DGUOK: variants seen among roughly 807,000 people sequenced by gnomAD.
The protein encoded by DGUOK is deoxyguanosine kinase, mitochondrial.
Under a neutral mutation model 36.6 loss-of-function variants are expected in DGUOK, and 30 were observed. The ratio of observed to expected loss-of-function variants is 0.82; its 90% CI spans 0.61 to 1.11. The LOEUF is 1.11. Ranked by LOEUF, DGUOK falls within the 50% of genes most tolerant of loss-of-function variation. The pLI is 0.00. For synonymous variants in DGUOK, 145 were observed against 126.3 expected, an observed-to-expected ratio of 1.15 and a Z score of -0.99; for missense variants, 361 against 336.4, an observed-to-expected ratio of 1.07 and a Z score of -0.57.
intron 1 of DGUOK, among the ~76,000 whole-genome samples, chr2:73,935,862 C>A (rs937432628): frequency 6.6e-6 from 1 of 152,198 alleles, no homozygotes; most frequent in African/African-American, 2.4e-5. Context: ...TTTCCTGTTA[C>A]ATCTAATTTG....
chr2:73,931,258 T>C (rs983182210), intron 1 of DGUOK, among the ~76,000 whole-genome samples: 1 of 151,716 alleles, frequency 6.6e-6, no homozygotes, highest in Non-Finnish European at 1.5e-5. Context: ...CACATGCAGT[T>C]TTTTGGGGGT....
chr2:73,945,750 CAGA>C (rs1486914147), intron 2 of DGUOK, among the ~76,000 whole-genome samples: 5 of 152,156 alleles, frequency 3.3e-5, no homozygotes, highest in African/African-American at 1.2e-4. Context: ...ATGGCAGATC[CAGA>C]AAAGAATCTG....
intron 1 of DGUOK, among the ~76,000 whole-genome samples, chr2:73,929,175 A>G (rs765042850): frequency 3.9e-5 from 6 of 151,974 alleles, no homozygotes; most frequent in Non-Finnish European, 8.8e-5. Flanking sequence ...CAGTGATGCA[A>G]TTGCATCTCA....
intron 1 of DGUOK, among the ~76,000 whole-genome samples, chr2:73,930,365 G>A (rs1158476027): frequency 6.6e-6 from 1 of 152,186 alleles, no homozygotes; most frequent in Non-Finnish European, 1.5e-5. Flanking sequence ...CCATGGCTGT[G>A]TGTTTTTCTC....
At chr2:73,931,661 G>A (rs1253922228) in intron 1 of DGUOK, among the ~76,000 whole-genome samples, 1 of 152,194 alleles carries the variant, frequency 6.6e-6, no homozygotes, top group African/African-American at 2.4e-5. Flanking sequence ...AATTGTGTAG[G>A]ATGAGAAAGA....
intron 1 of DGUOK, among the ~76,000 whole-genome samples, chr2:73,931,942 A>T (rs1263464188): frequency 1.8e-4 from 27 of 152,028 alleles, no homozygotes; most frequent in Non-Finnish European, 1.2e-4. Flanking sequence ...TAGGAGGAGG[A>T]GTAGAGGAGG....
At chr2:73,944,801 G>A (rs1479545068) in intron 2 of DGUOK, among the ~76,000 whole-genome samples, 4 of 152,182 alleles carry the variant, frequency 2.6e-5, no homozygotes, top group Non-Finnish European at 4.4e-5. Context: ...ACAGCACTCC[G>A]CTCCACATAC....
At chr2:73,948,447 CAGAA>C (rs987573281) in intron 3 of DGUOK, among the ~76,000 whole-genome samples, 8 of 152,200 alleles carry the variant, frequency 5.3e-5, no homozygotes, top group African/African-American at 1.9e-4. Context: ...ATTTTCGAGA[CAGAA>C]AGGAAAACTA....
At chr2:73,929,541 G>C (rs931816576) in intron 1 of DGUOK, among the ~76,000 whole-genome samples, 1 of 152,180 alleles carries the variant, frequency 6.6e-6, no homozygotes, top group Non-Finnish European at 1.5e-5. Context: ...CAGAGACTAT[G>C]TGTTGATGGA....
At position 73,957,144 on chromosome 2, in the gene DGUOK, A is replaced by G. The variant is rs1322851139; in HGVS notation, c.611A>G (p.Tyr204Cys). The stretch of plus-strand genomic sequence containing the variant: ...TTTTAGGTTTGTTTGAAGAGACTGT[A>G]CCAGAGGGCCAGGGAGGAGGAGAAA... Reference protein sequence around the residue: ...ASPQVCLKRLYQRAREEEKGI... With the variant: ...ASPQVCLKRLCQRAREEEKGI... Residue 204 changes from tyrosine to cysteine, a missense_variant, in exon 5 of 7, where the codon TAC becomes TGC. Transcript: ENST00000264093. 1.2e-6 allele frequency: 2 copies of G among 1,613,878 alleles called. No homozygotes were observed. The highest frequency in any genetic ancestry group is 1.3e-5 in the African/African-American group (1 of 74,914).
At chr2:73,949,894 C>T (rs541727264) in intron 3 of DGUOK, among the ~76,000 whole-genome samples, 1 of 152,258 alleles carries the variant, frequency 6.6e-6, no homozygotes, top group African/African-American at 2.4e-5. Context: ...GGGGGCAAAG[C>T]TGGTTTGATT....
chr2:73,951,508 T>C (rs1313435151), intron 4 of DGUOK, among the ~76,000 whole-genome samples: 1 of 152,046 alleles, frequency 6.6e-6, no homozygotes, highest in African/African-American at 2.4e-5. Context: ...ATACATCCAA[T>C]ATATAGTCAA....
At position 73,953,700 on chromosome 2, in the gene DGUOK, A is replaced by T. The variant is rs1052439556; in HGVS notation, c.591+2968A>T. On this transcript the variant is annotated intron_variant, in intron 4 of 6. Transcript: ENST00000264093. ...TTCGTAGGTCCTTCTGCTCCTTTCT[A>T]CCTATTCTTCCCTAACTTCTTTTTT... Among the ~76,000 whole-genome samples the T allele has an allele frequency of 5.5e-4, 70 of 128,130 alleles. 1 individual carries two copies. The highest frequency in any genetic ancestry group is 2.6e-4 in the South Asian group (1 of 3,842). 84.1% of individuals were successfully genotyped at this position (128,130 alleles called of 152,430 possible).
In DGUOK at chr2:73,926,909, G is replaced by T. The variant is rs753441865; in HGVS notation, c.-2G>T. 2.5e-6 allele frequency: 4 copies of T among 1,613,236 alleles called. No homozygotes were observed. The highest frequency in any genetic ancestry group is 1.3e-5 in the African/African-American group (1 of 74,918). On this transcript the variant is annotated 5_prime_UTR_variant, in exon 1 of 7. Transcript: ENST00000264093. ...GTGATCGCTGTGTGAATCGTGGGTG[G>T]GATGGCCGCGGGCCGCCTCTTTCTA... is the stretch of plus-strand genomic sequence containing the variant.
At chr2:73,947,064 A>G in intron 3 of DGUOK, 158 bp downstream of exon 3, 1 of 753,698 alleles carries the variant, frequency 1.3e-6, no homozygotes, top group Non-Finnish European at 2.3e-6. Flanking sequence ...CCAGAGTTGT[A>G]CTTCTACCAG....
chr2:73,947,015 A>G, intron 3 of DGUOK, 109 bp downstream of exon 3: 1 of 1,069,430 alleles, frequency 9.4e-7, no homozygotes, highest in Non-Finnish European at 1.4e-6. Flanking sequence ...AATTTGAAAA[A>G]TTATCTTCTT....
rs1390575837 is a variant in DGUOK, at chr2:73,926,887, A to G, written c.-24A>G. 2 of 1,613,014 alleles carry G rather than the reference A, an allele frequency of 1.2e-6. No individual in the cohort carries two copies. The highest frequency in any genetic ancestry group is 4.5e-5 in the East Asian group (2 of 44,872). ...GGCGGAAGTGCTCTCGGCGGAAGTG[A>G]TCGCTGTGTGAATCGTGGGTGGGAT... On this transcript the variant is annotated 5_prime_UTR_variant, in exon 1 of 7. Transcript: ENST00000264093.
At position 73,926,927 on chromosome 2, in the gene DGUOK, T is replaced by G; in HGVS notation, c.17T>G (p.Leu6Arg). Residue 6 changes from leucine to arginine, a missense_variant, in exon 1 of 7, where the codon CTC becomes CGC. Leu to Arg is a moderately radical substitution (Grantham distance 102). Coordinates refer to ENST00000264093, the MANE Select transcript of DGUOK (RefSeq NM_080916.3). Reference protein sequence around the residue: MAAGRLFLSRLRAPFS... With the variant: MAAGRRFLSRLRAPFS... ...GTGGGTGGGATGGCCGCGGGCCGCC[T>G]CTTTCTAAGTCGGCTTCGAGCACCC... 6.2e-7 allele frequency: 1 copy of G among 1,613,496 alleles called. No homozygotes were observed. The highest frequency in any genetic ancestry group is 8.5e-7 in the Non-Finnish European group (1 of 1,180,024).
At chr2:73,936,561 T>C (rs1027407797) in intron 1 of DGUOK, among the ~76,000 whole-genome samples, 53 of 152,300 alleles carry the variant, frequency 3.5e-4, no homozygotes, top group African/African-American at 1.3e-3. Context: ...TGGGTTCTTA[T>C]GCTGAGACAT....
Sources: gnomAD v4.1 joint callset for allele counts (sites outside exome capture counted in the v4.1 genomes callset) on GRCh38, gnomAD v4.1.1 for gene constraint, MANE v1.5 for transcripts, NCBI Gene and HGNC (gene_info 2026-07-23, HGNC 2026-07-21) for gene names.